PALM2AKAP2: variants seen among roughly 807,000 people sequenced by gnomAD.
PALM2AKAP2 encodes PALM2 and AKAP2 fusion.
A neutral mutation model predicts 71.5 loss-of-function variants in PALM2AKAP2; 37 were observed. The observed-to-expected ratio is 0.52, with a 90% confidence interval of 0.40 to 0.68. The LOEUF is 0.68. Among genes scored for constraint, PALM2AKAP2 ranks in the 30% least tolerant of loss-of-function variants. The pLI is 0.00. For synonymous variants in PALM2AKAP2, 468 were observed against 478.8 expected, an observed-to-expected ratio of 0.98 and a Z score of 0.29; for missense variants, 1,224 against 1,191.8, an observed-to-expected ratio of 1.03 and a Z score of -0.40.
chr9:109,687,926 T>G (rs775247995), intron 1 of PALM2AKAP2, among the ~76,000 whole-genome samples: 9 of 152,220 alleles, frequency 5.9e-5, no homozygotes, highest in Non-Finnish European at 1.3e-4. Context: ...TCAAAACTGC[T>G]GTGTCTCAGG....
At chr9:109,718,102 A>G (rs905540339) in intron 1 of PALM2AKAP2, among the ~76,000 whole-genome samples, 1 of 151,838 alleles carries the variant, frequency 6.6e-6, no homozygotes, top group African/African-American at 2.4e-5. Flanking sequence ...TTTTGCTGAG[A>G]CAGGGTCTCA....
chr9:110,148,110 A>G (rs1836223781), intron 2 of PALM2AKAP2, among the ~76,000 whole-genome samples: 1 of 152,222 alleles, frequency 6.6e-6, no homozygotes, highest in African/African-American at 2.4e-5. Flanking sequence ...CCATGCTAGT[A>G]GAAATGTATT....
intron 7 of PALM2AKAP2, among the ~76,000 whole-genome samples, chr9:110,035,342 T>TACATAC (rs778501984): frequency 4.2e-3 from 312 of 74,672 alleles, no homozygotes; most frequent in African/African-American, 0.01. Context: ...TAATACATAT[T>TACATAC]ATATATATTA....
intron 2 of PALM2AKAP2, among the ~76,000 whole-genome samples, chr9:109,878,528 A>G (rs1179768594): frequency 6.6e-6 from 1 of 152,202 alleles, no homozygotes; most frequent in African/African-American, 2.4e-5. Flanking sequence ...AAAAGGCAAG[A>G]ATAACATCAA....
At chr9:109,987,243 G>C (rs940600978) in intron 6 of PALM2AKAP2, among the ~76,000 whole-genome samples, 4 of 152,060 alleles carry the variant, frequency 2.6e-5, no homozygotes, top group Admixed American at 2.6e-4. Flanking sequence ...TGACTCTTCT[G>C]CCTCAGCCTC....
intron 1 of PALM2AKAP2, among the ~76,000 whole-genome samples, chr9:110,133,179 C>T (rs1312479973): frequency 2.0e-5 from 3 of 152,154 alleles, no homozygotes; most frequent in East Asian, 1.9e-4. Context: ...CATTCATCAT[C>T]GAGCACTTGA....
intron 1 of PALM2AKAP2, among the ~76,000 whole-genome samples, chr9:109,744,523 C>T (rs1019592387): frequency 5.9e-5 from 9 of 152,206 alleles, no homozygotes; most frequent in African/African-American, 2.2e-4. Flanking sequence ...GTCACTAGAT[C>T]CCTGCTAGAC....
At chr9:109,922,405 G>A (rs1224158607) in intron 3 of PALM2AKAP2, among the ~76,000 whole-genome samples, 2 of 104,356 alleles carry the variant, frequency 1.9e-5, no homozygotes, top group African/African-American at 7.5e-5. Context: ...CTGGGTGACA[G>A]AGTGAGACTC....
intron 1 of PALM2AKAP2, among the ~76,000 whole-genome samples, chr9:109,838,435 C>A (rs552332189): frequency 2.3e-4 from 35 of 152,132 alleles, no homozygotes; most frequent in African/African-American, 7.2e-4. Flanking sequence ...GGAAAGATCT[C>A]AAATTGACAC....
intron 6 of PALM2AKAP2, among the ~76,000 whole-genome samples, chr9:109,966,982 A>C (rs1831961885): frequency 6.6e-6 from 1 of 152,236 alleles, no homozygotes; most frequent in African/African-American, 2.4e-5. Flanking sequence ...ATAACAAATC[A>C]TCCAAACCTA....
At chr9:109,867,266 T>C in intron 1 of PALM2AKAP2, 1 of 474,826 alleles carries the variant, frequency 2.1e-6, no homozygotes, top group Non-Finnish European at 3.9e-6. Flanking sequence ...CCTGGCTGAG[T>C]GAGGAGAATT....
chr9:109,988,302 T>C (rs1267255955), intron 6 of PALM2AKAP2, among the ~76,000 whole-genome samples: 1 of 152,230 alleles, frequency 6.6e-6, no homozygotes, highest in Non-Finnish European at 1.5e-5. Context: ...TAGTTTGTTT[T>C]CATTTCCTCT....
chr9:109,823,052 T>C (rs1031488107), intron 1 of PALM2AKAP2, among the ~76,000 whole-genome samples: 3 of 152,316 alleles, frequency 2.0e-5, no homozygotes, highest in East Asian at 1.9e-4. Flanking sequence ...TAAGTTTTCA[T>C]GTCACCAGCC....
intron 3 of PALM2AKAP2, among the ~76,000 whole-genome samples, chr9:109,887,776 C>T (rs368681414): frequency 1.3e-5 from 2 of 152,190 alleles, no homozygotes; most frequent in African/African-American, 4.8e-5. Flanking sequence ...GAACTCAACT[C>T]TGCCTAATTC....
intron 1 of PALM2AKAP2, among the ~76,000 whole-genome samples, chr9:109,768,592 T>C (rs1450710892): frequency 3.9e-5 from 6 of 152,204 alleles, no homozygotes; most frequent in Non-Finnish European, 4.4e-5. Context: ...GATACTTAAG[T>C]AGTTCCACAC....
At position 110,170,408 on chromosome 9, in the gene PALM2AKAP2, T is replaced by G. The variant is rs183246094; in HGVS notation, c.*1911T>G. ...GATGTTAACGCACATTTCCTTTGCT[T>G]CTTTTATTAGACTAGTGTTGACTTT... is the stretch of plus-strand genomic sequence containing the variant. On this transcript the variant is annotated 3_prime_UTR_variant, in exon 4 of 4. Coordinates refer to ENST00000374525, the Ensembl canonical transcript of PALM2AKAP2. 6.6e-4 allele frequency: 101 copies of G among 152,790 alleles called. 1 individual carries two copies. The East Asian group carries it at 0.017, about 25-fold the overall frequency. 9.5% of individuals were successfully genotyped at this position (152,790 alleles called of 1,614,324 possible).
intron 1 of PALM2AKAP2, among the ~76,000 whole-genome samples, chr9:110,100,356 T>A (rs1232783545): frequency 1.3e-5 from 2 of 152,082 alleles, no homozygotes; most frequent in Non-Finnish European, 2.9e-5. Flanking sequence ...TTTCAGCGTT[T>A]GTCTCTGAAC....
At chr9:109,768,712 C>T (rs1027697167) in intron 1 of PALM2AKAP2, among the ~76,000 whole-genome samples, 5 of 152,136 alleles carry the variant, frequency 3.3e-5, no homozygotes, top group African/African-American at 1.2e-4. Context: ...CTGTAAAATT[C>T]AGATAATAAT....
chr9:110,021,511 C>CA (rs1833073569), intron 7 of PALM2AKAP2, among the ~76,000 whole-genome samples: 1 of 152,200 alleles, frequency 6.6e-6, no homozygotes, highest in Admixed American at 6.5e-5. Context: ...TTCTTGAGTG[C>CA]AAATGCCATA....
Sources: gnomAD v4.1 joint callset for allele counts (sites outside exome capture counted in the v4.1 genomes callset) on GRCh38, gnomAD v4.1.1 for gene constraint, MANE v1.5 for transcripts, NCBI Gene and HGNC (gene_info 2026-07-23, HGNC 2026-07-21) for gene names.